The following TNFRSF10A variants were observed in gnomAD, a reference collection of about 807,000 sequenced individuals.
TNFRSF10A encodes TNF receptor superfamily member 10a.
A neutral mutation model predicts 42.8 loss-of-function variants in TNFRSF10A; 44 were observed. That is an observed-to-expected ratio of 1.03 (90% confidence interval 0.81 to 1.32). TNFRSF10A has a LOEUF of 1.32. TNFRSF10A is among the 40% of genes most tolerant of loss of function. The probability of loss-of-function intolerance (pLI) is 0.00; values close to 1 mark genes in which losing one functional copy is unlikely to be tolerated. For missense variants in TNFRSF10A, 680 were observed against 602.0 expected, an observed-to-expected ratio of 1.13 and a Z score of -1.36; for synonymous variants, 259 against 234.2, an observed-to-expected ratio of 1.11 and a Z score of -0.97.
intron 4 of TNFRSF10A, among the ~76,000 whole-genome samples, chr8:23,201,059 G>C (rs367646283): frequency 1.0e-3 from 155 of 152,188 alleles, no homozygotes; most frequent in East Asian, 9.1e-3. Context: ...GCGTTAGGAG[G>C]AATCACACTC....
At position 23,191,630 on chromosome 8, in the gene TNFRSF10A, A is replaced by G; in HGVS notation, c.*64T>C. 6.8e-7 allele frequency: 1 copy of G among 1,472,034 alleles called. No individual in the cohort carries two copies. The highest frequency in any genetic ancestry group is 8.9e-7 in the Non-Finnish European group (1 of 1,118,636). The allele number at this position is 1,472,034 out of a possible 1,614,324, so 91.2% of individuals were successfully genotyped here. A position where few individuals can be genotyped will look rare whatever the true frequency, so the allele number is the denominator to read the frequency against. On this transcript the variant is annotated 3_prime_UTR_variant, in exon 10 of 10. Coordinates refer to ENST00000221132, the MANE Select transcript of TNFRSF10A (RefSeq NM_003844.4). The stretch of plus-strand genomic sequence containing the variant: ...TTTACTTTGTATACATGTTAAAAAA[A>G]AAAAAAACCTAATATGTATTAACTC...
intron 1 of TNFRSF10A, among the ~76,000 whole-genome samples, chr8:23,217,806 C>T (rs73222596): frequency 0.2 from 29,767 of 152,146 alleles, 3,553 homozygotes; most frequent in South Asian, 0.36. Context: ...GAAAAAGGCA[C>T]GACCCTCCCT....
intron 2 of TNFRSF10A, among the ~76,000 whole-genome samples, chr8:23,204,306 AGAGAAAGGACCTTCTCAGTCTCAC>A (rs1269071320): frequency 6.6e-6 from 1 of 152,332 alleles, no homozygotes. Context: ...AAGTTTGGAG[AGAGAAAGGACCTTCTCAGTCTCAC>A]GAGAAACTAA....
At chr8:23,209,381 T>C (rs1486706480) in intron 2 of TNFRSF10A, among the ~76,000 whole-genome samples, 1 of 152,224 alleles carries the variant, frequency 6.6e-6, no homozygotes, top group Non-Finnish European at 1.5e-5. Context: ...AAGAGGGCCA[T>C]TGTCCTTCAG....
intron 9 of TNFRSF10A, among the ~76,000 whole-genome samples, chr8:23,194,054 C>G (rs552244686): frequency 6.6e-6 from 1 of 152,282 alleles, no homozygotes; most frequent in South Asian, 2.1e-4. Context: ...AACTGCTTTA[C>G]CTAAAATTTG....
intron 9 of TNFRSF10A, 68 bp downstream of exon 9, chr8:23,197,064 G>A: frequency 6.2e-7 from 1 of 1,602,822 alleles, no homozygotes; most frequent in East Asian, 2.2e-5. Context: ...TCAGCAATGG[G>A]GACACCAGTT....
At chr8:23,224,555 G>C in intron 1 of TNFRSF10A, 1 of 642,472 alleles carries the variant, frequency 1.6e-6, no homozygotes, top group Non-Finnish European at 2.6e-6. Flanking sequence ...AGGGGGCTCT[G>C]CTGCCTCCAG....
At chr8:23,203,780 G>C (rs1048545944) in intron 2 of TNFRSF10A, among the ~76,000 whole-genome samples, 2 of 143,534 alleles carry the variant, frequency 1.4e-5, no homozygotes, top group African/African-American at 2.5e-5. Flanking sequence ...AATAATAAAG[G>C]CTTTTTTTTT....
intron 8 of TNFRSF10A, among the ~76,000 whole-genome samples, chr8:23,198,934 C>T (rs901373059): frequency 1.3e-5 from 2 of 152,182 alleles, no homozygotes; most frequent in African/African-American, 4.8e-5. Flanking sequence ...ATTTAAAATC[C>T]CTGCTGTTAT....
At chr8:23,204,570 A>G (rs1800978943) in intron 2 of TNFRSF10A, among the ~76,000 whole-genome samples, 1 of 152,216 alleles carries the variant, frequency 6.6e-6, no homozygotes, top group Non-Finnish European at 1.5e-5. Flanking sequence ...AGATGTCTAT[A>G]AAACACTCTA....
At chr8:23,213,973 A>G (rs753720309) in intron 1 of TNFRSF10A, among the ~76,000 whole-genome samples, 1 of 151,848 alleles carries the variant, frequency 6.6e-6, no homozygotes, top group Non-Finnish European at 1.5e-5. Context: ...TTGTTGTTAC[A>G]TGGATAAGTT....
chr8:23,200,424 G>A lies in TNFRSF10A; in HGVS notation c.799+81C>T, dbSNP rs918346367. 18 of 1,495,354 alleles carry A rather than the reference G, an allele frequency of 1.2e-5. No individual in the cohort carries two copies. In the South Asian group the frequency reaches 1.6e-4, roughly 13 times the overall value. 92.6% of individuals were successfully genotyped at this position (1,495,354 alleles called of 1,614,324 possible). A position where few individuals can be genotyped will look rare whatever the true frequency, so the allele number is the denominator to read the frequency against. On this transcript the variant is annotated intron_variant, in intron 6 of 9. Transcript: ENST00000221132. Reference sequence around the variant, plus strand: ...GCCAGAGACACTAGGACTTGGGGCAGGGGTGAGCGTTTCTGTCTGTGGGAA... The same window carrying A: ...GCCAGAGACACTAGGACTTGGGGCAAGGGTGAGCGTTTCTGTCTGTGGGAA...
chr8:23,193,588 C>A (rs1401480671), intron 9 of TNFRSF10A, among the ~76,000 whole-genome samples: 4 of 152,032 alleles, frequency 2.6e-5, no homozygotes, highest in African/African-American at 9.7e-5. Flanking sequence ...TGTGTTGTTT[C>A]AGGGCAAGTG....
intron 2 of TNFRSF10A, among the ~76,000 whole-genome samples, chr8:23,208,701 C>CAA (rs1396754009): frequency 2.0e-5 from 3 of 152,184 alleles, no homozygotes; most frequent in Non-Finnish European, 4.4e-5. Flanking sequence ...CATGATCCAC[C>CAA]TGCCTTGGCC....
At chr8:23,199,145 G>T in intron 8 of TNFRSF10A, 121 bp downstream of exon 8, 2 of 1,242,962 alleles carry the variant, frequency 1.6e-6, no homozygotes, top group Non-Finnish European at 2.2e-6. Context: ...TTTTTCCCAC[G>T]CAGCCCCGTC....
rs374130186 is a variant in TNFRSF10A, at chr8:23,206,628, C to A, written c.404-3867G>T. On this transcript the variant is annotated intron_variant, in intron 2 of 9. Transcript: ENST00000221132. ...TCTATGATGTTTGCACAATGATGCA[C>A]TTGTCAGAATGAGTTCCCATCATTA... is the stretch of plus-strand genomic sequence containing the variant. Among the ~76,000 whole-genome samples the A allele has an allele frequency of 1.9e-3, 283 of 152,268 alleles. 1 individual carries two copies. The highest frequency in any genetic ancestry group is 6.6e-3 in the African/African-American group (273 of 41,550).
rs201986596 is a variant in TNFRSF10A, at chr8:23,197,223, A to G, written c.1015-19T>C. On this transcript the variant is annotated intron_variant, in intron 8 of 9. Coordinates refer to ENST00000221132, the MANE Select transcript of TNFRSF10A (RefSeq NM_003844.4). The stretch of plus-strand genomic sequence containing the variant: ...CCGGTCCCTGTAACACACAGTGGGG[A>G]ATGCCTTGGTCTGAGTCAGGGGTCC... 5.6e-6 allele frequency: 9 copies of G among 1,613,910 alleles called. No homozygotes were observed. The highest frequency in any genetic ancestry group is 1.7e-5 in the Admixed American group (1 of 59,980).
chr8:23,213,195 A>AT (rs934563768), intron 1 of TNFRSF10A, among the ~76,000 whole-genome samples: 2 of 151,952 alleles, frequency 1.3e-5, no homozygotes, highest in African/African-American at 2.4e-5. Context: ...TATTTATAGT[A>AT]TTTTTTATAA....
In TNFRSF10A at chr8:23,224,909, G is replaced by A. The variant is rs1481843980; in HGVS notation, c.153C>T (p.Gly51=). ...CCATGGAGGTAGGGAGCGCTCCTCG[G>A]CCCCCGCCTCGTGGTTCAATCCTCC... ...SAGRIEPRGG[G]RGALPTSMGQ... Residue 51 remains glycine, a synonymous_variant, in exon 1 of 10, where the codon GGC becomes GGT. Transcript: ENST00000221132. 2 of 1,595,714 alleles carry A rather than the reference G, an allele frequency of 1.3e-6. No individual in the cohort carries two copies. Among genetic ancestry groups the A allele is most frequent in the Admixed American group, 1.7e-5 (1 of 57,774 alleles).
Sources: allele counts gnomAD v4.1 joint callset (sites outside exome capture counted in the v4.1 genomes callset), GRCh38; gene constraint gnomAD v4.1.1; transcripts MANE v1.5; gene names NCBI Gene and HGNC (gene_info 2026-07-23, HGNC 2026-07-21).